ACBD5: variants seen among roughly 807,000 people sequenced by gnomAD.
ACBD5 encodes acyl-CoA-binding domain-containing protein 5.
In ACBD5, 40 loss-of-function variants were observed where a neutral mutation model predicts 71.8. The ratio of observed to expected loss-of-function variants is 0.56; its 90% CI spans 0.43 to 0.72. ACBD5 has a LOEUF of 0.72. Among genes scored for constraint, ACBD5 ranks in the 30% least tolerant of loss-of-function variants. ACBD5 has a pLI of 0.00. For missense variants in ACBD5, 559 were observed against 644.5 expected (o/e 0.87, Z 1.44); for synonymous variants, 229 against 218.6 (o/e 1.05, Z -0.42).
At position 27,231,758 on chromosome 10, in the gene ACBD5, T is replaced by G; in HGVS notation, c.365A>C (p.Glu122Ala). The G allele has an allele frequency of 1.2e-6, 2 of 1,613,782 alleles. No homozygotes were observed. The highest frequency in any genetic ancestry group is 2.2e-5 in the South Asian group (2 of 91,088). The change falls in exon 4 of 13, where the codon GAA becomes GCA. Residue 122 changes from glutamate (E) to alanine (A), a missense_variant. Coordinates refer to ENST00000396271, the MANE Select transcript of ACBD5 (RefSeq NM_145698.5). ...AATTATTTTCCCTACCTTTTTCATT[T>G]CTTCAACATATGCAATCATGGCTTC... is the stretch of plus-strand genomic sequence containing the variant. ...KEEAMIAYVE[E>A]MKKIIETMPM...
intron 12 of ACBD5, among the ~76,000 whole-genome samples, chr10:27,200,423 T>C (rs1401434237): frequency 6.6e-6 from 1 of 152,128 alleles, no homozygotes; most frequent in African/African-American, 2.4e-5. Context: ...GCAGCCATTA[T>C]TCTATCCCTC....
Position 27,231,702 on chromosome 10 carries a change from A to T in ACBD5, c.375+46T>A, listed in dbSNP as rs1296578531. On this transcript the variant is annotated intron_variant, in intron 4 of 12. Coordinates refer to ENST00000396271, the MANE Select transcript of ACBD5 (RefSeq NM_145698.5). ...ATTTGTCTGATAACCAAATTAAATTAGAGCTGCTCTGAATTTTCATTTTAA... is the reference window on the plus strand; with the variant it reads ...ATTTGTCTGATAACCAAATTAAATTTGAGCTGCTCTGAATTTTCATTTTAA... 2.6e-6 allele frequency: 4 copies of T among 1,526,348 alleles called. No individual in the cohort carries two copies. The Admixed American group carries it at 5.0e-5, about 19-fold the overall frequency. The allele number at this position is 1,526,348 out of a possible 1,614,324, so 94.6% of individuals were successfully genotyped here.
intron 4 of ACBD5, among the ~76,000 whole-genome samples, chr10:27,228,805 ATATATATATATTTTT>A (rs1343221547): frequency 8.7e-4 from 4 of 4,602 alleles, no homozygotes; most frequent in African/African-American, 1.6e-3. Flanking sequence ...ATATATATAT[ATATATATATATTTTT>A]TTTTTTTTTT....
chr10:27,198,218 G>A (rs1289258830), intron 12 of ACBD5, among the ~76,000 whole-genome samples: 1 of 152,154 alleles, frequency 6.6e-6, no homozygotes, highest in African/African-American at 2.4e-5. Flanking sequence ...AGGCTCTCAG[G>A]CCTCAAGACA....
At chr10:27,216,381 T>C (rs986372379) in intron 7 of ACBD5, among the ~76,000 whole-genome samples, 2 of 152,200 alleles carry the variant, frequency 1.3e-5, no homozygotes, top group Non-Finnish European at 2.9e-5. Context: ...CCTCAGGTGA[T>C]CCGCCTGCCT....
chr10:27,189,317 C>T (rs1029567110), intron 13 of ACBD5, among the ~76,000 whole-genome samples: 1 of 152,122 alleles, frequency 6.6e-6, no homozygotes, highest in Non-Finnish European at 1.5e-5. Flanking sequence ...GTGAGCCACC[C>T]GGCCAGCTAT....
chr10:27,188,991 G>A (rs1191468502), intron 13 of ACBD5, among the ~76,000 whole-genome samples: 1 of 152,200 alleles, frequency 6.6e-6, no homozygotes, highest in Non-Finnish European at 1.5e-5. Flanking sequence ...GCAGCAAACT[G>A]AGGAAAGCTC....
At chr10:27,221,548 G>A (rs2062335264) in intron 5 of ACBD5, among the ~76,000 whole-genome samples, 1 of 152,056 alleles carries the variant, frequency 6.6e-6, no homozygotes, top group Non-Finnish European at 1.5e-5. Flanking sequence ...CCAGTGGCTG[G>A]ACACCACAGC....
Position 27,240,403 on chromosome 10 carries a change from G to A in ACBD5, c.97C>T (p.Gln33Ter). The A allele has an allele frequency of 6.2e-7, 1 of 1,614,114 alleles. No individual in the cohort carries two copies. Among genetic ancestry groups the A allele is most frequent in the Non-Finnish European group, 8.5e-7 (1 of 1,180,032 alleles). Reference sequence around the variant, plus strand: ...GATCTCGTGTCCGCCATCTCCAGCTGCCAGTGTTGGCCCCGGTCCCAAGGT... The same window carrying A: ...GATCTCGTGTCCGCCATCTCCAGCTACCAGTGTTGGCCCCGGTCCCAAGGT... The part of the protein sequence containing the change: ...DRPWDRGQHW[Q>*]LEMADTRSVH... The change falls in exon 2 of 13, where the codon CAG (glutamine) becomes TAG (stop). Residue 33 changes from glutamine (Q) to a stop codon, truncating the protein, a stop_gained. Coordinates refer to ENST00000396271, the MANE Select transcript of ACBD5 (RefSeq NM_145698.5). LOFTEE classifies it high-confidence loss of function. The surrounding 1 kb of genome is among the most constrained non-coding windows in gnomAD (Gnocchi z 4.1).
chr10:27,186,395 T>C, intron 13 of ACBD5: 1 of 1,614,164 alleles, frequency 6.2e-7, no homozygotes, highest in Non-Finnish European at 8.5e-7. Context: ...AACGTCATCC[T>C]CTCTTCAGTG....
At chr10:27,185,208 GA>G (rs2058612655) in intron 13 of ACBD5, among the ~76,000 whole-genome samples, 2 of 152,192 alleles carry the variant, frequency 1.3e-5, no homozygotes, top group African/African-American at 4.8e-5. Context: ...GGAGCGTGGT[GA>G]TAGAAACAGG....
chr10:27,231,969 G>GA (rs1200433463), intron 3 of ACBD5, 149 bp from the exon 4 acceptor site: 1 of 735,568 alleles, frequency 1.4e-6, no homozygotes, highest in African/African-American at 1.8e-5. Context: ...CTACCATGAA[G>GA]AAAATTATCA....
At chr10:27,226,456 AC>A (rs2137814779) in intron 4 of ACBD5, among the ~76,000 whole-genome samples, 1 of 34,480 alleles carries the variant, frequency 2.9e-5, no homozygotes, top group African/African-American at 4.8e-5. Context: ...GACTACACAC[AC>A]ACACACACAC....
chr10:27,207,674 C>T (rs778922564), intron 10 of ACBD5, among the ~76,000 whole-genome samples: 4 of 152,196 alleles, frequency 2.6e-5, no homozygotes, highest in African/African-American at 4.8e-5. Context: ...AACTATAAAT[C>T]AAGCTGTAGT....
Position 27,218,095 on chromosome 10 carries a change from A to G in ACBD5, c.714T>C (p.Asp238=). ...AACTGGCATGAATGTCATTCTGTATATCCTGAACAAAGCCATCTTTATCAT... is the reference window on the plus strand; with the variant it reads ...AACTGGCATGAATGTCATTCTGTATGTCCTGAACAAAGCCATCTTTATCAT... ...NGYDKDGFVQ[D]IQNDIHASSS... The change falls in exon 7 of 13, where the codon GAT becomes GAC. Residue 238 remains aspartate (D), a synonymous_variant. Coordinates refer to ENST00000396271, the MANE Select transcript of ACBD5 (RefSeq NM_145698.5). The G allele has an allele frequency of 6.2e-7, 1 of 1,614,100 alleles. No homozygotes were observed.
intron 13 of ACBD5, among the ~76,000 whole-genome samples, chr10:27,187,598 A>T (rs1278044893): frequency 6.6e-6 from 1 of 151,838 alleles, no homozygotes; most frequent in Admixed American, 6.6e-5. Context: ...CTAAAAATAG[A>T]AAAATTAGCC....
intron 7 of ACBD5, among the ~76,000 whole-genome samples, chr10:27,217,705 C>T (rs1310849936): frequency 6.6e-6 from 1 of 151,964 alleles, no homozygotes; most frequent in Non-Finnish European, 1.5e-5. Flanking sequence ...ATCCCAGCTA[C>T]TTAGGAGGCT....
At chr10:27,201,615 C>T (rs546646493) in intron 12 of ACBD5, among the ~76,000 whole-genome samples, 34 of 152,258 alleles carry the variant, frequency 2.2e-4, no homozygotes, top group African/African-American at 7.5e-4. Flanking sequence ...CCAGTCTGGT[C>T]AACATGGCGA....
chr10:27,186,726 C>A, intron 13 of ACBD5: 1 of 600,886 alleles, frequency 1.7e-6, no homozygotes, highest in East Asian at 2.9e-5. Flanking sequence ...TTTATCTTAA[C>A]CTCAAAACTG....
Sources: allele counts gnomAD v4.1 joint callset (sites outside exome capture counted in the v4.1 genomes callset), GRCh38; gene constraint gnomAD v4.1.1; non-coding constraint Gnocchi (gnomAD v3.1); transcripts MANE v1.5; gene names NCBI Gene and HGNC (gene_info 2026-07-23, HGNC 2026-07-21).